The following TTC19 variants were observed in gnomAD, a reference collection of about 807,000 sequenced individuals.
TTC19 encodes the protein tetratricopeptide repeat domain 19.
TTC19 carries 38 observed loss-of-function variants against 49.5 expected under a neutral mutation model. The ratio of observed to expected loss-of-function variants is 0.77; its 90% confidence interval spans 0.59 to 1.01. TTC19 has a LOEUF of 1.01. TTC19 is among the 50% of genes least tolerant of loss of function. The pLI, the probability that TTC19 is intolerant of heterozygous loss-of-function variation, is 0.00. For synonymous variants in TTC19, 204 were observed against 185.2 expected (o/e 1.10, Z -0.83); for missense variants, 475 against 477.7 (o/e 0.99, Z 0.05).
intron 2 of TTC19, 57 bp from the exon 3 acceptor site, chr17:16,001,858 T>C (rs1046783155): frequency 8.4e-7 from 1 of 1,187,378 alleles, no homozygotes; most frequent in Non-Finnish European, 1.3e-6. Context: ...CTTCTGTCTC[T>C]TAGCATATGC....
Position 16,002,782 on chromosome 17 carries a change from T to G in TTC19, c.424-11T>G, listed in dbSNP as rs776070856. The G allele has an allele frequency of 6.2e-7, 1 of 1,613,814 alleles. No homozygotes were observed. Among genetic ancestry groups the G allele is most frequent in the Non-Finnish European group, 8.5e-7 (1 of 1,179,794 alleles). On this transcript the variant is annotated splice_polypyrimidine_tract_variant and intron_variant, in intron 3 of 9. Coordinates refer to ENST00000261647, the MANE Select transcript of TTC19 (RefSeq NM_017775.4). ...TTCTAAACTGAAAAACAATTTGTAA[T>G]TTGCTTTCAGATGGCCAACTTAGCA...
intron 2 of TTC19, among the ~76,000 whole-genome samples, chr17:16,043,549 T>C (rs1033181940): frequency 2.0e-5 from 3 of 152,234 alleles, no homozygotes; most frequent in African/African-American, 4.8e-5. Flanking sequence ...CCCAACATAG[T>C]ACGCTACTGA....
intron 7 of TTC19, among the ~76,000 whole-genome samples, chr17:16,017,648 C>G (rs113087911): frequency 5.4e-4 from 82 of 151,822 alleles, no homozygotes; most frequent in African/African-American, 1.9e-3. Flanking sequence ...GTAACCTCAG[C>G]TACTCGGGAG....
intron 7 of TTC19, among the ~76,000 whole-genome samples, chr17:16,022,028 G>C (rs73981407): frequency 2.0e-5 from 3 of 152,056 alleles, no homozygotes; most frequent in Admixed American, 6.6e-5. Context: ...TGTGGTCGGG[G>C]GGTTAAGGGG....
chr17:16,000,045 G>A lies in TTC19; in HGVS notation c.184+13G>A. 1 of 1,265,378 alleles carries A rather than the reference G, an allele frequency of 7.9e-7. No individual in the cohort carries two copies. Among genetic ancestry groups the A allele is most frequent in the South Asian group, 2.5e-5 (1 of 40,318 alleles). 78.4% of individuals were successfully genotyped at this position (1,265,378 alleles called of 1,614,324 possible). On this transcript the variant is annotated intron_variant, in intron 1 of 9. Transcript: ENST00000261647. ...CCGCTGCTGGCAGGTGAGGGGCGCG[G>A]GCCGGGCGGGGCCGGCCGGGCGGGG...
chr17:16,040,164 ATTAAAG>A (rs1462305241), intron 2 of TTC19: 2 of 557,568 alleles, frequency 3.6e-6, no homozygotes, highest in Admixed American at 4.4e-5. Context: ...CCACACTTCT[ATTAAAG>A]TTACTCAACA....
intron 2 of TTC19, chr17:16,040,260 T>C (rs1264180278): frequency 1.4e-6 from 1 of 691,918 alleles, no homozygotes; most frequent in East Asian, 2.8e-5. Context: ...AATAGGTATT[T>C]ACTGGATCTC....
At position 16,029,077 on chromosome 17, in the gene TTC19, TAAAA is replaced by T. The variant is rs1567591250; in HGVS notation, c.*1559_*1562del. 1 of 452,822 alleles carries T rather than the reference TAAAA, an allele frequency of 2.2e-6. No individual in the cohort carries two copies. Among genetic ancestry groups the T allele is most frequent in the Non-Finnish European group, 4.4e-6 (1 of 226,486 alleles). The allele number at this position is 452,822 out of a possible 1,614,324, so 28.1% of individuals were successfully genotyped here. On this transcript the variant is annotated 3_prime_UTR_variant, in exon 10 of 10. Coordinates refer to ENST00000261647, the MANE Select transcript of TTC19 (RefSeq NM_017775.4). The stretch of plus-strand genomic sequence containing the variant: ...CCAGTATTAACGTATGGTGATTTCT[TAAAA>T]AAATTAATGTCAACCACTCACCTTT...
intron 2 of TTC19, among the ~76,000 whole-genome samples, chr17:16,043,411 A>G (rs1466020512): frequency 1.3e-5 from 2 of 152,228 alleles, no homozygotes; most frequent in African/African-American, 4.8e-5. Flanking sequence ...GCAATAAAAA[A>G]AAAATCCCAG....
In TTC19 at chr17:16,010,680, G is replaced by A. The variant is rs548562419; in HGVS notation, c.676+4112G>A. Among the ~76,000 whole-genome samples the A allele has an allele frequency of 2.0e-5, 3 of 151,964 alleles. 1 individual carries two copies. Among genetic ancestry groups the A allele is most frequent in the African/African-American group, 7.2e-5 (3 of 41,420 alleles). The stretch of plus-strand genomic sequence containing the variant: ...GTAGAGACTGGGTTTTACCATGTTA[G>A]CCAGGATGGTCTCGATCTCCTGACC... On this transcript the variant is annotated intron_variant, in intron 7 of 9. Coordinates refer to ENST00000261647, the MANE Select transcript of TTC19 (RefSeq NM_017775.4).
At chr17:16,026,811 GTAAAT>G in intron 9 of TTC19, 109 bp downstream of exon 9, 1 of 1,162,308 alleles carries the variant, frequency 8.6e-7, no homozygotes, top group South Asian at 1.3e-5. Flanking sequence ...GAATAAACAT[GTAAAT>G]TAAAAGACTG....
chr17:16,013,821 G>C (rs950705959), intron 7 of TTC19, among the ~76,000 whole-genome samples: 6 of 152,190 alleles, frequency 3.9e-5, no homozygotes, highest in African/African-American at 1.4e-4. Context: ...TGAATTATCA[G>C]ATATGCATTA....
At chr17:16,012,688 GCCA>G (rs1971110801) in intron 7 of TTC19, among the ~76,000 whole-genome samples, 1 of 151,900 alleles carries the variant, frequency 6.6e-6, no homozygotes, top group African/African-American at 2.4e-5. Context: ...ACAGGCATAT[GCCA>G]CCACGCCTGG....
At chr17:16,017,919 A>C (rs527643412) in intron 7 of TTC19, among the ~76,000 whole-genome samples, 1 of 152,294 alleles carries the variant, frequency 6.6e-6, no homozygotes, top group East Asian at 1.9e-4. Flanking sequence ...TAGGGAAGGT[A>C]TATGTATATA....
chr17:16,038,587 C>T (rs187159378), intron 2 of TTC19, among the ~76,000 whole-genome samples: 10 of 152,144 alleles, frequency 6.6e-5, no homozygotes, highest in Non-Finnish European at 1.3e-4. Flanking sequence ...ACAGCGTGAG[C>T]CACCACACCC....
exon 3 of TTC19, chr17:16,044,995 T>C: frequency 4.3e-6 from 2 of 462,886 alleles, no homozygotes; most frequent in South Asian, 2.3e-5. Context: ...AAAGCTGAAC[T>C]TAAGAAAAAA....
In TTC19 at chr17:16,028,914, G is replaced by C. The variant is rs761327371; in HGVS notation, c.*1392G>C. 4.8e-6 allele frequency: 2 copies of C among 414,942 alleles called. No homozygotes were observed. The highest frequency in any genetic ancestry group is 2.2e-5 in the African/African-American group (1 of 45,116). The allele number at this position is 414,942 out of a possible 1,614,324, so 25.7% of individuals were successfully genotyped here. ...ATCCTCAGGGATTAGACTAAAACTA[G>C]AGTTTTGTATGTTGCAGATGTAAAT... is the stretch of plus-strand genomic sequence containing the variant. On this transcript the variant is annotated 3_prime_UTR_variant, in exon 10 of 10. Transcript: ENST00000261647.
chr17:16,030,830 G>T (rs1161808339), downstream of TTC19: 1 of 184,752 alleles, frequency 5.4e-6, no homozygotes, highest in African/African-American at 2.3e-5. Context: ...GTCTTGGTCA[G>T]TAGCTAATCA....
intron 2 of TTC19, among the ~76,000 whole-genome samples, chr17:16,043,919 C>G (rs1439797844): frequency 6.6e-6 from 1 of 152,094 alleles, no homozygotes; most frequent in Non-Finnish European, 1.5e-5. Context: ...CCTGTAATCC[C>G]AACACTTTGG....
Sources: allele counts gnomAD v4.1 joint callset (sites outside exome capture counted in the v4.1 genomes callset), GRCh38; gene constraint gnomAD v4.1.1; transcripts MANE v1.5; gene names NCBI Gene and HGNC (gene_info 2026-07-23, HGNC 2026-07-21).